The following UQCC6 variants were observed in gnomAD, a reference collection of about 807,000 sequenced individuals.
UQCC6 encodes protein BRAWNIN.
At chr12:103,965,041 T>C in the UQCC6 span, among the ~76,000 whole-genome samples, 1 of 152,360 alleles carries the variant, frequency 6.6e-6, no homozygotes, top group Middle Eastern at 3.4e-3. Context: ...TGGAGTTACC[T>C]GTTACTATAT....
At chr12:103,956,126 G>A in the UQCC6 span, among the ~76,000 whole-genome samples, 1 of 146,400 alleles carries the variant, frequency 6.8e-6, no homozygotes, top group African/African-American at 2.5e-5. Context: ...CGCAGAGGAG[G>A]AATTCTTTGG....
chr12:103,955,001 G>C, the UQCC6 span: 1 of 699,934 alleles, frequency 1.4e-6, no homozygotes, highest in South Asian at 1.5e-5. Context: ...CAAAATTGTA[G>C]TGACAATTAA....
the UQCC6 span, among the ~76,000 whole-genome samples, chr12:103,961,075 C>T: frequency 6.6e-6 from 1 of 151,834 alleles, no homozygotes; most frequent in Non-Finnish European, 1.5e-5. Flanking sequence ...GAAGACCTTC[C>T]AGGATGTGGA....
At chr12:103,956,366 T>C in the UQCC6 span, 3 of 338,238 alleles carry the variant, frequency 8.9e-6, no homozygotes, top group Admixed American at 4.5e-5. Flanking sequence ...TGGTGGCAGA[T>C]AGGCCACAGG....
the UQCC6 span, among the ~76,000 whole-genome samples, chr12:103,965,278 G>C: frequency 6.6e-6 from 1 of 152,230 alleles, no homozygotes; most frequent in South Asian, 2.1e-4. Flanking sequence ...AGAGGGGTTA[G>C]TCTGTAAGGT....
chr12:103,951,576 G>A, the UQCC6 span: 1 of 1,549,024 alleles, frequency 6.5e-7, no homozygotes, highest in African/African-American at 1.4e-5. Flanking sequence ...CTTTCTTTCA[G>A]TCCCAAAAGC....
the UQCC6 span, chr12:103,955,723 A>G: frequency 6.6e-6 from 3 of 455,600 alleles, no homozygotes; most frequent in African/African-American, 4.0e-5. Context: ...GGCAGAGTCC[A>G]AACAGAAATG....
At chr12:103,953,716 G>A in the UQCC6 span, 1 of 639,108 alleles carries the variant, frequency 1.6e-6, no homozygotes, top group African/African-American at 1.8e-5. Context: ...ATCAAACTGA[G>A]GTGAGTTTAG....
At chr12:103,963,862 C>T in the UQCC6 span, among the ~76,000 whole-genome samples, 1 of 152,068 alleles carries the variant, frequency 6.6e-6, no homozygotes. Context: ...TCTACATAAA[C>T]CAGCACCAGA....
the UQCC6 span, among the ~76,000 whole-genome samples, chr12:103,958,000 T>TTTTTA: frequency 2.8e-5 from 4 of 141,026 alleles, no homozygotes; most frequent in Admixed American, 2.9e-4. Context: ...ATATTTATAA[T>TTTTTA]ATATATTTAT....
At chr12:103,955,962 G>A in the UQCC6 span, among the ~76,000 whole-genome samples, 7 of 152,122 alleles carry the variant, frequency 4.6e-5, no homozygotes, top group African/African-American at 1.7e-4. Context: ...TACTTATTGA[G>A]TGTCTGCTAC....
At chr12:103,956,789 C>G in the UQCC6 span, 2 of 1,300,884 alleles carry the variant, frequency 1.5e-6, no homozygotes, top group African/African-American at 1.5e-5. Flanking sequence ...AGTTCCAGCT[C>G]ACGACTACAC....
the UQCC6 span, among the ~76,000 whole-genome samples, chr12:103,963,328 G>A: frequency 7.9e-5 from 12 of 152,020 alleles, no homozygotes; most frequent in South Asian, 1.2e-3. Context: ...TGCCCGCCTC[G>A]GCCTCCCAAA....
At chr12:103,956,033 A>G in the UQCC6 span, among the ~76,000 whole-genome samples, 2 of 152,236 alleles carry the variant, frequency 1.3e-5, no homozygotes, top group Non-Finnish European at 2.9e-5. Context: ...CTTACATTCT[A>G]CTGAAGCAAA....
the UQCC6 span, chr12:103,956,992 T>C: frequency 1.9e-6 from 1 of 515,288 alleles, no homozygotes; most frequent in Non-Finnish European, 3.5e-6. Context: ...GGCGCCGGCC[T>C]GCGTGCGGCA....
At chr12:103,964,233 A>G in the UQCC6 span, among the ~76,000 whole-genome samples, 1 of 127,668 alleles carries the variant, frequency 7.8e-6, no homozygotes, top group Non-Finnish European at 1.6e-5. Context: ...GCTCACTGCA[A>G]CCTCTGCCTC....
At chr12:103,956,651 T>A in the UQCC6 span, 1 of 1,551,496 alleles carries the variant, frequency 6.4e-7, no homozygotes. Context: ...CGGTAGTACC[T>A]GTGCACCACT....
At chr12:103,957,982 ATATT>A in the UQCC6 span, among the ~76,000 whole-genome samples, 2 of 143,540 alleles carry the variant, frequency 1.4e-5, no homozygotes, top group Non-Finnish European at 3.0e-5. Flanking sequence ...TTTTTAATAT[ATATT>A]TATATATTTA....
chr12:103,963,605 T>TA, the UQCC6 span, among the ~76,000 whole-genome samples: 5 of 152,224 alleles, frequency 3.3e-5, no homozygotes, highest in African/African-American at 1.2e-4. Context: ...TCCGTGTACT[T>TA]ATTTAGTTCT....
Sources: allele counts gnomAD v4.1 joint callset (sites outside exome capture counted in the v4.1 genomes callset), GRCh38; gene constraint gnomAD v4.1.1; transcripts MANE v1.5; gene names NCBI Gene and HGNC (gene_info 2026-07-23, HGNC 2026-07-21).